SCN4B: variants seen among roughly 807,000 people sequenced by gnomAD.
SCN4B encodes sodium voltage-gated channel beta subunit 4.
In SCN4B, 20 loss-of-function variants were observed where a neutral mutation model predicts 19.6. The ratio of observed to expected loss-of-function variants is 1.02; its 90% CI spans 0.72 to 1.48. SCN4B has a LOEUF of 1.48. SCN4B is among the 40% of genes most tolerant of loss of function. SCN4B has a pLI of 0.00. For synonymous variants in SCN4B, 127 were observed against 122.8 expected, an observed-to-expected ratio of 1.03 and a Z score of -0.22; for missense variants, 271 against 287.5, an observed-to-expected ratio of 0.94 and a Z score of 0.42.
Position 118,152,745 on chromosome 11 carries a change from A to C in SCN4B, c.-72T>G. On this transcript the variant is annotated 5_prime_UTR_variant, in exon 1 of 5. Coordinates refer to ENST00000324727, the MANE Select transcript of SCN4B (RefSeq NM_174934.4). The stretch of plus-strand genomic sequence containing the variant: ...TGGGCACAGCCGCGCTCTCCGCCCG[A>C]GGTCGGCGTTCGGCCACAAAGCTAC... 7.8e-7 allele frequency: 1 copy of C among 1,280,350 alleles called. No individual in the cohort carries two copies. The highest frequency in any genetic ancestry group is 1.1e-6 in the Non-Finnish European group (1 of 930,922). 79.3% of individuals were successfully genotyped at this position (1,280,350 alleles called of 1,614,324 possible).
Position 118,144,975 on chromosome 11 carries a change from C to T in SCN4B, c.234+82G>A, listed in dbSNP as rs182081518. ...TTCTGGGGACCATCGCAGTGGGTCT[C>T]AGTCCAGAAGGGACCAGAGCGTAGG... On this transcript the variant is annotated intron_variant, in intron 2 of 4. Transcript: ENST00000324727. 1.6e-5 allele frequency: 23 copies of T among 1,399,266 alleles called. No homozygotes were observed. In the East Asian group the frequency reaches 4.3e-4, roughly 26 times the overall value. The allele number at this position is 1,399,266 out of a possible 1,614,324, so 86.7% of individuals were successfully genotyped here.
chr11:118,151,780 T>C (rs1379710556), intron 1 of SCN4B, among the ~76,000 whole-genome samples: 1 of 152,192 alleles, frequency 6.6e-6, no homozygotes, highest in Non-Finnish European at 1.5e-5. Context: ...CTGGCTATGA[T>C]TTATGAGGAG....
At position 118,136,573 on chromosome 11, in the gene SCN4B, C is replaced by A. The variant is rs1182187679; in HGVS notation, c.*454G>T. 5 of 454,270 alleles carry A rather than the reference C, an allele frequency of 1.1e-5. No individual in the cohort carries two copies. The allele number at this position is 454,270 out of a possible 1,614,324, so 28.1% of individuals were successfully genotyped here. A position where few individuals can be genotyped will look rare whatever the true frequency, so the allele number is the denominator to read the frequency against. On this transcript the variant is annotated 3_prime_UTR_variant, in exon 5 of 5. Transcript: ENST00000324727. ...ACCCCAGGTCTTCTCCAGAGGCCTC[C>A]AGCCCACTCCCACCTCCAAAGGAAG...
chr11:118,136,538 A>G lies in SCN4B; in HGVS notation c.*489T>C, dbSNP rs886047728. On this transcript the variant is annotated 3_prime_UTR_variant, in exon 5 of 5. Transcript: ENST00000324727. ...AGTCTCTCACTGTGGGCCTGCCCCC[A>G]TCAGCCCCCACCCCAGGTCTTCTCC... 8 of 453,974 alleles carry G rather than the reference A, an allele frequency of 1.8e-5. No homozygotes were observed. Among genetic ancestry groups the G allele is most frequent in the Non-Finnish European group, 3.1e-5 (7 of 226,794 alleles). The allele number at this position is 453,974 out of a possible 1,614,324, so 28.1% of individuals were successfully genotyped here. A position where few individuals can be genotyped will look rare whatever the true frequency, so the allele number is the denominator to read the frequency against.
In SCN4B at chr11:118,136,578, C is replaced by T. The variant is rs67276909; in HGVS notation, c.*449G>A. On this transcript the variant is annotated 3_prime_UTR_variant, in exon 5 of 5. Coordinates refer to ENST00000324727, the MANE Select transcript of SCN4B (RefSeq NM_174934.4). ...AGGTCTTCTCCAGAGGCCTCCAGCCCACTCCCACCTCCAAAGGAAGCCACT... is the reference window on the plus strand; with the variant it reads ...AGGTCTTCTCCAGAGGCCTCCAGCCTACTCCCACCTCCAAAGGAAGCCACT... The T allele has an allele frequency of 3.3e-5, 15 of 454,456 alleles. No individual in the cohort carries two copies. Among genetic ancestry groups the T allele is most frequent in the Admixed American group, 2.8e-4 (12 of 42,596 alleles). 28.2% of individuals were successfully genotyped at this position (454,456 alleles called of 1,614,324 possible). A position where few individuals can be genotyped will look rare whatever the true frequency, so the allele number is the denominator to read the frequency against.
At position 118,140,915 on chromosome 11, in the gene SCN4B, AAG is replaced by A. The variant is rs1336479064; in HGVS notation, c.593+290_593+291del. On this transcript the variant is annotated intron_variant, in intron 4 of 4. Transcript: ENST00000324727. The stretch of plus-strand genomic sequence containing the variant: ...CTCTCGGTTGGGTGGTACAAATGGA[AAG>A]AGAGGCTAATGGGACGGGAAGGAAG... Among the ~76,000 whole-genome samples the A allele has an allele frequency of 2.0e-5, 3 of 152,298 alleles. No individual in the cohort carries two copies. The South Asian group carries it at 6.2e-4, about 32-fold the overall frequency.
rs559244010 is a variant in SCN4B, at chr11:118,143,125, A to C, written c.463+708T>G. ...CCTAGTCTTCCAGGCCCCTCCCCTC[A>C]GTGGGGCCATGCCTCACTTCTCCAG... On this transcript the variant is annotated intron_variant, in intron 3 of 4. Coordinates refer to ENST00000324727, the MANE Select transcript of SCN4B (RefSeq NM_174934.4). Among the ~76,000 whole-genome samples, 4 of 152,234 alleles carry C rather than the reference A, an allele frequency of 2.6e-5. No individual in the cohort carries two copies. The East Asian group carries it at 7.7e-4, about 29-fold the overall frequency.
In SCN4B at chr11:118,135,965, G is replaced by A. The variant is rs774067361; in HGVS notation, c.*1062C>T. The stretch of plus-strand genomic sequence containing the variant: ...TCATCCAAAGGAAGAGAGTCCCTGA[G>A]GCGAAGGCAGGCCCTTGACCCAGGG... On this transcript the variant is annotated 3_prime_UTR_variant, in exon 5 of 5. Transcript: ENST00000324727. 2 of 453,868 alleles carry A rather than the reference G, an allele frequency of 4.4e-6. No homozygotes were observed. Among genetic ancestry groups the A allele is most frequent in the South Asian group, 3.1e-5 (2 of 64,440 alleles). The allele number at this position is 453,868 out of a possible 1,614,324, so 28.1% of individuals were successfully genotyped here. A position where few individuals can be genotyped will look rare whatever the true frequency, so the allele number is the denominator to read the frequency against.
At chr11:118,141,671 G>A (rs960813205) in intron 3 of SCN4B, 8 of 381,144 alleles carry the variant, frequency 2.1e-5, no homozygotes, top group Admixed American at 1.7e-4. Context: ...ATTGCCAGGC[G>A]AAAATTTCAT....
rs1314031840 is a variant in SCN4B at position 118,135,933 on chromosome 11, G to A, written c.*1094C>T. 1 of 454,104 alleles carries A rather than the reference G, an allele frequency of 2.2e-6. No homozygotes were observed. Among genetic ancestry groups the A allele is most frequent in the South Asian group, 1.6e-5 (1 of 64,456 alleles). 28.1% of individuals were successfully genotyped at this position (454,104 alleles called of 1,614,324 possible). A position where few individuals can be genotyped will look rare whatever the true frequency, so the allele number is the denominator to read the frequency against. ...GCAGGAAGCAGCTGGGAAACCCAAG[G>A]ACCCCCTCATCCAAAGGAAGAGAGT... On this transcript the variant is annotated 3_prime_UTR_variant, in exon 5 of 5. Transcript: ENST00000324727.
intron 4 of SCN4B, among the ~76,000 whole-genome samples, chr11:118,140,632 G>T (rs757072073): frequency 6.6e-6 from 1 of 152,152 alleles, no homozygotes; most frequent in Non-Finnish European, 1.5e-5. Context: ...TGCACCCTCC[G>T]TACCTCCCCC....
At position 118,134,580 on chromosome 11, in the gene SCN4B, T is replaced by C. The variant is rs1484662430; in HGVS notation, c.*2447A>G. The C allele has an allele frequency of 4.4e-6, 2 of 453,912 alleles. No individual in the cohort carries two copies. The highest frequency in any genetic ancestry group is 8.8e-6 in the Non-Finnish European group (2 of 226,788). 28.1% of individuals were successfully genotyped at this position (453,912 alleles called of 1,614,324 possible). Reference sequence around the variant, plus strand: ...CCCCTACAATCTCAGTCACCTCTATTGAAAACCATCAAACAAAAGCCATGG... The same window carrying C: ...CCCCTACAATCTCAGTCACCTCTATCGAAAACCATCAAACAAAAGCCATGG... On this transcript the variant is annotated 3_prime_UTR_variant, in exon 5 of 5. Transcript: ENST00000324727.
chr11:118,149,665 T>C (rs1948217147), intron 1 of SCN4B, among the ~76,000 whole-genome samples: 1 of 152,098 alleles, frequency 6.6e-6, no homozygotes, highest in African/African-American at 2.4e-5. Context: ...TGCAAACAAG[T>C]CCCAGCAGCA....
At chr11:118,141,517 G>A in intron 3 of SCN4B, 181 bp from the exon 4 acceptor site, 4 of 690,880 alleles carry the variant, frequency 5.8e-6, no homozygotes. Flanking sequence ...GGCAGAGCAT[G>A]GCATCTATCA....
Position 118,143,889 on chromosome 11 carries a change from G to A in SCN4B, c.407C>T (p.Pro136Leu), listed in dbSNP as rs1389963517. 6.2e-7 allele frequency: 1 copy of A among 1,613,610 alleles called. No individual in the cohort carries two copies. Among genetic ancestry groups the A allele is most frequent in the African/African-American group, 1.3e-5 (1 of 75,006 alleles). ...GTGGTGCTGGAGATTATTCTCCTTG[G>A]GGTTCTTCACATGGCAGGTGTATTT... Reference protein sequence around the residue: ...TGKYTCHVKNPKENNLQHHAT... With the variant: ...TGKYTCHVKNLKENNLQHHAT... The change falls in exon 3 of 5, where the codon CCC becomes CTC. Residue 136 changes from proline (P) to leucine (L), a missense_variant. By Grantham distance (98) the Pro-to-Leu change is moderately conservative (BLOSUM62 -3). Transcript: ENST00000324727.
At chr11:118,150,991 A>G (rs1427977640) in intron 1 of SCN4B, among the ~76,000 whole-genome samples, 1 of 152,170 alleles carries the variant, frequency 6.6e-6, no homozygotes, top group Non-Finnish European at 1.5e-5. Context: ...TAGCTCAGAA[A>G]TTCATCTAAA....
chr11:118,150,649 A>ATG (rs1948225693), intron 1 of SCN4B, among the ~76,000 whole-genome samples: 1 of 152,198 alleles, frequency 6.6e-6, no homozygotes, highest in Non-Finnish European at 1.5e-5. Context: ...TCTCTGGACC[A>ATG]TGACTTCCTC....
chr11:118,152,584 G>C (rs747482277), intron 1 of SCN4B, 29 bp downstream of exon 1: 3 of 1,599,384 alleles, frequency 1.9e-6, no homozygotes, highest in Non-Finnish European at 2.6e-6. Context: ...GGGGAGGCAA[G>C]AGAAGAGACC....
chr11:118,144,096 C>G (rs566578330), intron 2 of SCN4B, 35 bp from the exon 3 acceptor site: 7 of 1,458,626 alleles, frequency 4.8e-6, no homozygotes, highest in Non-Finnish European at 6.7e-6. Context: ...GAGAAAGTAG[C>G]CGAGAAAGAA....
Sources: allele counts gnomAD v4.1 joint callset (sites outside exome capture counted in the v4.1 genomes callset), GRCh38; gene constraint gnomAD v4.1.1; transcripts MANE v1.5; gene names NCBI Gene and HGNC (gene_info 2026-07-23, HGNC 2026-07-21).